Variants in LIMA1 observed in about 807,000 individuals in gnomAD.
LIMA1 encodes the protein LIM domain and actin binding 1.
Under a neutral mutation model 62.6 loss-of-function variants are expected in LIMA1, and 52 were observed. The observed-to-expected ratio is 0.83, with a 90% CI of 0.67 to 1.05. LIMA1 has a LOEUF of 1.05. Ranked by LOEUF, LIMA1 falls within the 50% of genes least tolerant of loss-of-function variation. The pLI, the probability that LIMA1 is intolerant of heterozygous loss-of-function variation, is 0.00. For synonymous variants in LIMA1, 302 were observed against 317.8 expected, an observed-to-expected ratio of 0.95 and a Z score of 0.53; for missense variants, 780 against 902.2, an observed-to-expected ratio of 0.86 and a Z score of 1.74.
At chr12:50,230,809 C>T (rs1329318791) in intron 3 of LIMA1, among the ~76,000 whole-genome samples, 1 of 151,274 alleles carries the variant, frequency 6.6e-6, no homozygotes, top group Non-Finnish European at 1.5e-5. Flanking sequence ...GATCTCTTGA[C>T]CTCGTGATCT....
intron 3 of LIMA1, among the ~76,000 whole-genome samples, chr12:50,227,821 T>C (rs1159225318): frequency 1.3e-5 from 2 of 151,880 alleles, no homozygotes; most frequent in Admixed American, 6.6e-5. Context: ...CCCAGCCCAC[T>C]CTGAGTATTT....
intron 3 of LIMA1, among the ~76,000 whole-genome samples, chr12:50,231,165 G>T (rs994223250): frequency 6.6e-6 from 1 of 152,206 alleles, no homozygotes; most frequent in Non-Finnish European, 1.5e-5. Flanking sequence ...TAGAGAACGG[G>T]TAGAAGCAGA....
intron 1 of LIMA1, among the ~76,000 whole-genome samples, chr12:50,274,196 T>C (rs1187205491): frequency 6.6e-6 from 1 of 152,192 alleles, no homozygotes; most frequent in African/African-American, 2.4e-5. Flanking sequence ...AAATGAAAAG[T>C]CCATCTTCAA....
chr12:50,200,306 C>T (rs768018148), intron 7 of LIMA1, among the ~76,000 whole-genome samples: 7 of 152,030 alleles, frequency 4.6e-5, no homozygotes, highest in Non-Finnish European at 7.4e-5. Flanking sequence ...TGGGATCAAG[C>T]GATTCTCCTG....
chr12:50,237,646 A>T (rs2138607235), intron 2 of LIMA1, among the ~76,000 whole-genome samples: 1 of 152,330 alleles, frequency 6.6e-6, no homozygotes, highest in African/African-American at 2.4e-5. Context: ...CAAAAAAAAA[A>T]GAAAAAAAGT....
intron 9 of LIMA1, chr12:50,187,937 T>C (rs1026811236): frequency 3.3e-5 from 5 of 152,180 alleles, no homozygotes; most frequent in African/African-American, 1.2e-4. Flanking sequence ...CTAAGAGATC[T>C]CTGAGTCTCT....
chr12:50,277,606 G>A (rs1039788011), intron 1 of LIMA1, among the ~76,000 whole-genome samples: 3 of 152,114 alleles, frequency 2.0e-5, no homozygotes, highest in Non-Finnish European at 4.4e-5. Context: ...ACATTAAGTT[G>A]GGAATCCTGA....
chr12:50,204,261 T>G (rs777196624), intron 6 of LIMA1: 2 of 277,174 alleles, frequency 7.2e-6, no homozygotes, highest in Non-Finnish European at 1.3e-5. Context: ...ATACTACTTC[T>G]TTAACAACAC....
intron 2 of LIMA1, among the ~76,000 whole-genome samples, chr12:50,239,152 AG>A (rs1941737863): frequency 2.6e-5 from 4 of 152,192 alleles, no homozygotes; most frequent in Admixed American, 2.0e-4. Context: ...CTTACAATTT[AG>A]ACACTAAAAA....
intron 2 of LIMA1, among the ~76,000 whole-genome samples, chr12:50,236,542 G>A (rs912553545): frequency 4.0e-5 from 6 of 151,780 alleles, no homozygotes; most frequent in Middle Eastern, 6.9e-3. Context: ...TCAGGTGTCC[G>A]CCTGCCTCAG....
intron 3 of LIMA1, among the ~76,000 whole-genome samples, chr12:50,223,481 C>G (rs1308265841): frequency 3.7e-5 from 5 of 135,276 alleles, no homozygotes; most frequent in Admixed American, 1.4e-4. Context: ...AGACGCCATC[C>G]CCCAACCAAA....
At chr12:50,281,244 A>C (rs1942336244) in intron 1 of LIMA1, among the ~76,000 whole-genome samples, 1 of 152,330 alleles carries the variant, frequency 6.6e-6, no homozygotes. Context: ...CAGAGAAAAT[A>C]TAAGAATTTG....
At chr12:50,185,318 T>G (rs924603372) in intron 9 of LIMA1, 3 of 454,520 alleles carry the variant, frequency 6.6e-6, no homozygotes, top group Admixed American at 4.7e-5. Context: ...AGGCACACAC[T>G]GTGGGAGGGG....
At chr12:50,265,043 C>T (rs563299514) in intron 1 of LIMA1, among the ~76,000 whole-genome samples, 1 of 151,490 alleles carries the variant, frequency 6.6e-6, no homozygotes, top group Non-Finnish European at 1.5e-5. Flanking sequence ...GTTCCAGCTA[C>T]TTGACAGGCT....
intron 9 of LIMA1, chr12:50,188,244 T>G (rs1395640171): frequency 6.6e-6 from 1 of 152,184 alleles, no homozygotes; most frequent in Non-Finnish European, 1.5e-5. Context: ...CTATTCTGAG[T>G]GAACAAGTTT....
intron 4 of LIMA1, among the ~76,000 whole-genome samples, chr12:50,215,819 G>A (rs997003036): frequency 6.6e-6 from 1 of 152,072 alleles, no homozygotes; most frequent in Non-Finnish European, 1.5e-5. Context: ...GAAGGCCGAG[G>A]TGGGTGGATC....
intron 4 of LIMA1, among the ~76,000 whole-genome samples, chr12:50,207,926 T>G (rs1311500933): frequency 6.6e-6 from 1 of 150,944 alleles, no homozygotes; most frequent in African/African-American, 2.4e-5. Context: ...GAACTATCAC[T>G]TTTACATATT....
chr12:50,196,134 A>G (rs1940925903), intron 7 of LIMA1: 3 of 418,784 alleles, frequency 7.2e-6, no homozygotes, highest in South Asian at 4.8e-5. Flanking sequence ...CTCAACTGCC[A>G]AAAGTGTGCA....
intron 1 of LIMA1, among the ~76,000 whole-genome samples, chr12:50,282,922 C>A (rs1942357458): frequency 6.6e-6 from 1 of 152,140 alleles, no homozygotes. Flanking sequence ...GATGACACAT[C>A]GGCTGCAAGG....
Sources: allele counts gnomAD v4.1 joint callset (sites outside exome capture counted in the v4.1 genomes callset), GRCh38; gene constraint gnomAD v4.1.1; transcripts MANE v1.5; gene names NCBI Gene and HGNC (gene_info 2026-07-23, HGNC 2026-07-21).